Variants in AMZ2 observed in about 807,000 individuals in gnomAD.
AMZ2 encodes archaemetzincin-2.
Under a neutral mutation model 36.7 loss-of-function variants are expected in AMZ2, and 26 were observed. The observed-to-expected ratio is 0.71, with a 90% CI of 0.52 to 0.98. The LOEUF is 0.98. Ranked by LOEUF, AMZ2 falls within the 50% of genes least tolerant of loss-of-function variation. The probability of loss-of-function intolerance (pLI) is 0.00; values close to 1 mark genes in which losing one functional copy is unlikely to be tolerated. For synonymous variants in AMZ2, 144 were observed against 149.1 expected, an observed-to-expected ratio of 0.97 and a Z score of 0.25; for missense variants, 394 against 430.5, an observed-to-expected ratio of 0.92 and a Z score of 0.75.
At chr17:68,226,211 G>T (rs1456689503) in intron 1 of AMZ2, among the ~76,000 whole-genome samples, 1 of 152,120 alleles carries the variant, frequency 6.6e-6, no homozygotes, top group African/African-American at 2.4e-5. Context: ...AGTCAAAACT[G>T]CAGGAATCTG....
In AMZ2 at chr17:68,235,143, C is replaced by T. The variant is rs1351598836; in HGVS notation, c.-66-13497C>T. 3.9e-5 allele frequency among the ~76,000 whole-genome samples: 6 copies of T among 152,150 alleles called. No individual in the cohort carries two copies. The highest frequency in any genetic ancestry group is 2.6e-4 in the Admixed American group (4 of 15,274). The stretch of plus-strand genomic sequence containing the variant: ...AGGCCCTTTTGTCAGCGGGCATTTC[C>T]GTAATTAGAACTTGTGACCAACACA... On this transcript the variant is annotated intron_variant, in intron 1 of 7. Coordinates refer to the AMZ2 transcript ENST00000674770. The surrounding 1 kb of genome is among the most constrained non-coding windows in gnomAD (Gnocchi z 4.2).
intron 4 of AMZ2, among the ~76,000 whole-genome samples, chr17:68,253,696 G>A (rs530889206): frequency 8.5e-5 from 13 of 152,212 alleles, no homozygotes; most frequent in Non-Finnish European, 1.5e-4. Context: ...CCAGACACAC[G>A]TGTAACAGAT....
rs1555732402 is a variant in AMZ2, at chr17:68,235,836, T to A, written c.-66-12804T>A. 8.1e-6 allele frequency among the ~76,000 whole-genome samples: 1 copy of A among 123,408 alleles called. No individual in the cohort carries two copies. Among genetic ancestry groups the A allele is most frequent in the African/African-American group, 2.9e-5 (1 of 35,072 alleles). 81.0% of individuals were successfully genotyped at this position (123,408 alleles called of 152,430 possible). On this transcript the variant is annotated intron_variant, in intron 1 of 7. Transcript: ENST00000674770. This position sits in a 1 kb window ranked among gnomAD's most constrained non-coding sequence, Gnocchi z 4.2. ...CAAGACTTAGCCCAAAATCTTACTT[T>A]TTTTTTTTTTCGAGATAGTTTCTCA...
intron 1 of AMZ2, among the ~76,000 whole-genome samples, chr17:68,217,911 C>T (rs1159714446): frequency 1.3e-5 from 2 of 150,262 alleles, no homozygotes; most frequent in African/African-American, 4.9e-5. Context: ...CTCCCGGGTT[C>T]ACGCCATTCT....
intron 4 of AMZ2, 133 bp from the exon 5 acceptor site, chr17:68,254,271 G>A (rs1324610601): frequency 6.4e-6 from 5 of 783,096 alleles, no homozygotes; most frequent in Non-Finnish European, 9.7e-6. Flanking sequence ...CAAACCATAA[G>A]TGTATCAGAT....
chr17:68,236,921 A>C (rs1490585095), intron 1 of AMZ2, among the ~76,000 whole-genome samples: 1 of 152,188 alleles, frequency 6.6e-6, no homozygotes, highest in Non-Finnish European at 1.5e-5. Context: ...ATATTTTTAT[A>C]TAAATAGCTT....
At chr17:68,255,023 G>A (rs1433662919) in intron 5 of AMZ2, among the ~76,000 whole-genome samples, 1 of 152,196 alleles carries the variant, frequency 6.6e-6, no homozygotes, top group Non-Finnish European at 1.5e-5. Flanking sequence ...TTTGTGGAAA[G>A]CCTATCTCCC....
chr17:68,208,200 C>G (rs1300304057), intron 1 of AMZ2, among the ~76,000 whole-genome samples: 2 of 152,226 alleles, frequency 1.3e-5, no homozygotes, highest in Non-Finnish European at 2.9e-5. Context: ...GAAGTGCGGG[C>G]ACAGGGCGCG....
At chr17:68,251,730 G>A (rs182471404) in intron 4 of AMZ2, among the ~76,000 whole-genome samples, 1 of 152,234 alleles carries the variant, frequency 6.6e-6, no homozygotes, top group Admixed American at 6.5e-5. Flanking sequence ...GCTAGTAAAT[G>A]TCAGTAATTC....
At chr17:68,254,711 G>T (rs2074765079) in intron 5 of AMZ2, 144 bp downstream of exon 5, 1 of 720,116 alleles carries the variant, frequency 1.4e-6, no homozygotes, top group Non-Finnish European at 2.2e-6. Flanking sequence ...TGACTGAAAT[G>T]ATCAGTAAAA....
At chr17:68,237,534 C>T (rs1555732915) in intron 1 of AMZ2, among the ~76,000 whole-genome samples, 1 of 152,206 alleles carries the variant, frequency 6.6e-6, no homozygotes, top group East Asian at 1.9e-4. Context: ...CCTGCTAGCC[C>T]CGTGCCTAAG....
chr17:68,230,460 CCTT>C (rs1229035646), intron 1 of AMZ2, among the ~76,000 whole-genome samples: 5 of 152,336 alleles, frequency 3.3e-5, no homozygotes, highest in African/African-American at 1.2e-4. Context: ...ATCTCTGTCA[CCTT>C]CTGTTGTTTC....
chr17:68,221,495 C>T (rs559301034), intron 1 of AMZ2, among the ~76,000 whole-genome samples: 37 of 151,900 alleles, frequency 2.4e-4, no homozygotes, highest in African/African-American at 7.2e-4. Flanking sequence ...TTTGGGAGGC[C>T]GAGGCAGGCG....
At chr17:68,209,600 GTGTGTATATGTATATATATATA>G in intron 1 of AMZ2, among the ~76,000 whole-genome samples, 1 of 121,208 alleles carries the variant, frequency 8.3e-6, no homozygotes, top group East Asian at 2.7e-4. Flanking sequence ...GTGTGTGTGT[GTGTGTATATGTATATATATATA>G]TATATATATA....
intron 1 of AMZ2, among the ~76,000 whole-genome samples, chr17:68,223,894 A>ATTTT (rs1568350601): frequency 1.0e-5 from 1 of 96,926 alleles, no homozygotes; most frequent in African/African-American, 4.7e-5. Context: ...TTATATATAT[A>ATTTT]TATATTTTTT....
At chr17:68,242,232 G>A (rs2073916797) in intron 1 of AMZ2, among the ~76,000 whole-genome samples, 1 of 152,110 alleles carries the variant, frequency 6.6e-6, no homozygotes, top group African/African-American at 2.4e-5. Flanking sequence ...TAGAAAGCAT[G>A]GAGAAGCTGT....
chr17:68,254,619 T>TGGAGGCCGGGCGCGGTGG, intron 5 of AMZ2, 52 bp downstream of exon 5: 2 of 1,450,582 alleles, frequency 1.4e-6, no homozygotes, highest in Non-Finnish European at 1.9e-6. Context: ...AGATCTTAGT[T>TGGAGGCCGGGCGCGGTGG]CCGTAAACTG....
chr17:68,221,222 C>CCGA (rs1555728457), intron 1 of AMZ2, among the ~76,000 whole-genome samples: 1 of 85,588 alleles, frequency 1.2e-5, no homozygotes, highest in Non-Finnish European at 2.4e-5. Context: ...CCCCCCCGCC[C>CCGA]CCCCGGTAGC....
chr17:68,221,200 GCCCT>G (rs2073347809), intron 1 of AMZ2, among the ~76,000 whole-genome samples: 2 of 80,656 alleles, frequency 2.5e-5, no homozygotes, highest in African/African-American at 9.9e-5. Context: ...TCCTGCCTCA[GCCCT>G]CAGCTCCCCC....
Sources: allele counts gnomAD v4.1 joint callset (sites outside exome capture counted in the v4.1 genomes callset), GRCh38; gene constraint gnomAD v4.1.1; non-coding constraint Gnocchi (gnomAD v3.1); transcripts MANE v1.5; gene names NCBI Gene and HGNC (gene_info 2026-07-23, HGNC 2026-07-21).